SLC24A2: variants seen among roughly 807,000 people sequenced by gnomAD.
SLC24A2 encodes solute carrier family 24 member 2.
A neutral mutation model predicts 62.0 loss-of-function variants in SLC24A2; 36 were observed. The observed-to-expected ratio is 0.58, with a 90% confidence interval of 0.44 to 0.77. SLC24A2 has a LOEUF of 0.77. Ranked by LOEUF, SLC24A2 falls within the 30% of genes least tolerant of loss-of-function variation. SLC24A2 has a pLI of 0.00. For missense variants in SLC24A2, 846 were observed against 817.9 expected (o/e 1.03, Z -0.42); for synonymous variants, 358 against 294.0 (o/e 1.22, Z -2.23).
intron 2 of SLC24A2, among the ~76,000 whole-genome samples, chr9:19,727,369 G>C (rs1003768653): frequency 6.6e-6 from 1 of 152,114 alleles, no homozygotes; most frequent in Non-Finnish European, 1.5e-5. Context: ...TTAAGCCGGT[G>C]ATCATTTTGC....
At chr9:20,171,052 G>A in the SLC24A2 span, among the ~76,000 whole-genome samples, 2 of 152,138 alleles carry the variant, frequency 1.3e-5, no homozygotes, top group Admixed American at 1.3e-4. Flanking sequence ...GAAGGGATTG[G>A]GGCCCTATCT....
At chr9:19,977,835 C>A in the SLC24A2 span, among the ~76,000 whole-genome samples, 12 of 152,156 alleles carry the variant, frequency 7.9e-5, no homozygotes, top group African/African-American at 2.9e-4. Flanking sequence ...AAATCTAGGG[C>A]AGGTGGGCTC....
the SLC24A2 span, among the ~76,000 whole-genome samples, chr9:20,154,020 T>C: frequency 3.7e-4 from 57 of 152,028 alleles, no homozygotes; most frequent in Non-Finnish European, 6.8e-4. Context: ...CCCAGATTTC[T>C]TGGGAAAGTT....
At chr9:19,896,579 C>T in the SLC24A2 span, among the ~76,000 whole-genome samples, 29 of 152,310 alleles carry the variant, frequency 1.9e-4, no homozygotes, top group African/African-American at 7.0e-4. Context: ...GGTATCATCA[C>T]CATCTAACAG....
chr9:20,085,719 AT>A, the SLC24A2 span, among the ~76,000 whole-genome samples: 1 of 152,214 alleles, frequency 6.6e-6, no homozygotes, highest in Non-Finnish European at 1.5e-5. Context: ...TAACTATGCT[AT>A]TGTATTTGAT....
chr9:19,647,656 G>A (rs937630918), intron 2 of SLC24A2, among the ~76,000 whole-genome samples: 6 of 152,160 alleles, frequency 3.9e-5, no homozygotes, highest in Non-Finnish European at 7.3e-5. Flanking sequence ...GATGAAAGGG[G>A]AAAACAAACA....
the SLC24A2 span, among the ~76,000 whole-genome samples, chr9:19,807,034 A>G: frequency 6.6e-6 from 1 of 152,228 alleles, no homozygotes; most frequent in East Asian, 1.9e-4. Flanking sequence ...ACAGACACTG[A>G]AAGAGAAAAC....
the SLC24A2 span, among the ~76,000 whole-genome samples, chr9:19,854,231 T>C: frequency 7.6e-4 from 116 of 152,312 alleles, no homozygotes; most frequent in Non-Finnish European, 1.3e-3. Context: ...ATCTATTTGA[T>C]TAATTTTTTC....
intron 2 of SLC24A2, among the ~76,000 whole-genome samples, chr9:19,636,409 T>TC (rs1450129313): frequency 1.2e-3 from 48 of 40,022 alleles, no homozygotes; most frequent in East Asian, 4.6e-3. Context: ...CTCTCTCTCT[T>TC]TCTTTCTTTC....
chr9:19,719,452 T>C (rs1339323054), intron 2 of SLC24A2, among the ~76,000 whole-genome samples: 2 of 152,102 alleles, frequency 1.3e-5, no homozygotes, highest in Admixed American at 6.5e-5. Flanking sequence ...AGTTCTGCCT[T>C]TAACCATATT....
chr9:20,147,914 G>C, the SLC24A2 span, among the ~76,000 whole-genome samples: 2 of 152,060 alleles, frequency 1.3e-5, no homozygotes, highest in Admixed American at 6.6e-5. Flanking sequence ...CTCAGTCTCA[G>C]AGGAGGACTG....
intron 8 of SLC24A2, among the ~76,000 whole-genome samples, chr9:19,545,829 G>A (rs943549567): frequency 3.3e-5 from 5 of 151,924 alleles, no homozygotes; most frequent in East Asian, 1.9e-4. Flanking sequence ...TACTAGAGAC[G>A]GGTTTCACTG....
the SLC24A2 span, among the ~76,000 whole-genome samples, chr9:19,940,444 T>G: frequency 6.6e-6 from 1 of 152,174 alleles, no homozygotes; most frequent in Non-Finnish European, 1.5e-5. Context: ...CTCTGTGACC[T>G]TAGGTAAATT....
Position 19,508,325 on chromosome 9 carries a change from T to C in SLC24A2, c.*7828A>G, listed in dbSNP as rs951511215. 1.3e-5 allele frequency: 2 copies of C among 152,200 alleles called. No individual in the cohort carries two copies. The highest frequency in any genetic ancestry group is 2.9e-5 in the Non-Finnish European group (2 of 68,034). The allele number at this position is 152,200 out of a possible 1,614,324, so 9.4% of individuals were successfully genotyped here. Reference sequence around the variant, plus strand: ...CAAAACAGCCTCTAACAGAGGAATATCACTGGCCCTTGGTTCAGATACCCT... The same window carrying C: ...CAAAACAGCCTCTAACAGAGGAATACCACTGGCCCTTGGTTCAGATACCCT... On this transcript the variant is annotated 3_prime_UTR_variant, in exon 11 of 11. Transcript: ENST00000341998.
At chr9:19,616,539 T>A (rs1180754818) in intron 4 of SLC24A2, among the ~76,000 whole-genome samples, 1 of 152,110 alleles carries the variant, frequency 6.6e-6, no homozygotes, top group Admixed American at 6.6e-5. Context: ...CATACTTGAG[T>A]TGGAGTAGAT....
chr9:19,563,844 C>T (rs1483637690), intron 7 of SLC24A2, among the ~76,000 whole-genome samples: 1,042 of 66,838 alleles, frequency 0.016, 34 homozygotes, highest in East Asian at 0.038. Flanking sequence ...CTCCCTCCCT[C>T]CCTCCCTCCC....
In SLC24A2 at chr9:19,602,394, A is replaced by T. The variant is rs148942281; in HGVS notation, c.1079-5115T>A. Among the ~76,000 whole-genome samples the T allele has an allele frequency of 3.3e-4, 50 of 152,310 alleles. 1 individual carries two copies. Among genetic ancestry groups the T allele is most frequent in the African/African-American group, 1.1e-3 (46 of 41,568 alleles). The stretch of plus-strand genomic sequence containing the variant: ...TGAACCTTGTTCTAACATCCTTTTC[A>T]CAAGTTTATATTGGAGAAGAAGCAG... On this transcript the variant is annotated intron_variant, in intron 4 of 10. Transcript: ENST00000341998.
chr9:19,724,927 C>A (rs978131264), intron 2 of SLC24A2, among the ~76,000 whole-genome samples: 1 of 152,126 alleles, frequency 6.6e-6, no homozygotes, highest in Non-Finnish European at 1.5e-5. Context: ...CAACCTCAAG[C>A]GCCAGTCAAA....
chr9:20,221,787 C>T, the SLC24A2 span, among the ~76,000 whole-genome samples: 3 of 152,034 alleles, frequency 2.0e-5, no homozygotes, highest in Non-Finnish European at 2.9e-5. Context: ...TCAGTGCTGA[C>T]AGGAAGTAAC....
Sources: allele counts gnomAD v4.1 joint callset (sites outside exome capture counted in the v4.1 genomes callset), GRCh38; gene constraint gnomAD v4.1.1; transcripts MANE v1.5; gene names NCBI Gene and HGNC (gene_info 2026-07-23, HGNC 2026-07-21).